Variants in VPS26C observed in about 807,000 individuals in gnomAD.
The protein encoded by VPS26C is vacuolar protein sorting-associated protein 26C.
VPS26C carries 19 observed loss-of-function variants against 30.6 expected under a neutral mutation model. The observed-to-expected ratio is 0.62, with a 90% CI of 0.43 to 0.91. The LOEUF is 0.91. Ranked by LOEUF, VPS26C falls within the 40% of genes least tolerant of loss-of-function variation. The pLI is 0.00. For synonymous variants in VPS26C, 132 were observed against 151.5 expected, an observed-to-expected ratio of 0.87 and a Z score of 0.95; for missense variants, 318 against 385.1, an observed-to-expected ratio of 0.83 and a Z score of 1.46.
At chr21:37,256,716 A>C (rs2148305797) in intron 1 of VPS26C, among the ~76,000 whole-genome samples, 1 of 152,370 alleles carries the variant, frequency 6.6e-6, no homozygotes, top group South Asian at 2.1e-4. Flanking sequence ...CTCACCATGT[A>C]AACATGTCCA....
At chr21:37,237,227 C>T (rs979757566) in intron 3 of VPS26C, among the ~76,000 whole-genome samples, 1 of 152,130 alleles carries the variant, frequency 6.6e-6, no homozygotes, top group Non-Finnish European at 1.5e-5. Context: ...TCACTGAAAA[C>T]GTGATCTTAT....
Position 37,267,148 on chromosome 21 carries a change from G to A in VPS26C, c.57+90C>T, listed in dbSNP as rs1391387736. 5.9e-6 allele frequency: 7 copies of A among 1,195,164 alleles called. No homozygotes were observed. The African/African-American group carries it at 9.0e-5, about 15-fold the overall frequency. 74.0% of individuals were successfully genotyped at this position (1,195,164 alleles called of 1,614,324 possible). A position where few individuals can be genotyped will look rare whatever the true frequency, so the allele number is the denominator to read the frequency against. On this transcript the variant is annotated intron_variant, in intron 1 of 7. Coordinates refer to ENST00000309117, the MANE Select transcript of VPS26C (RefSeq NM_006052.2). ...GGCGGGACAGCCCTGCCCCGCCTAG[G>A]GACGCGGGACGTGCGCAGAGCGATG... is the stretch of plus-strand genomic sequence containing the variant.
intron 1 of VPS26C, among the ~76,000 whole-genome samples, chr21:37,252,596 A>G (rs1011182109): frequency 1.3e-5 from 2 of 152,224 alleles, no homozygotes; most frequent in African/African-American, 4.8e-5. Context: ...CCTAGATTTT[A>G]AAACCCAAGT....
chr21:37,251,323 T>C (rs1488421021), intron 1 of VPS26C, among the ~76,000 whole-genome samples: 2 of 152,138 alleles, frequency 1.3e-5, no homozygotes, highest in South Asian at 2.1e-4. Context: ...AATAGGAAAA[T>C]TGTGAGTTTT....
chr21:37,240,486 T>C lies in VPS26C; in HGVS notation c.201+10A>G, dbSNP rs1437915072. ...AACTAAAAACTTGCAATCTAAGCATTCTTTCTTACCTTAACAGAATTATAA... is the reference window on the plus strand; with the variant it reads ...AACTAAAAACTTGCAATCTAAGCATCCTTTCTTACCTTAACAGAATTATAA... On this transcript the variant is annotated intron_variant, in intron 2 of 7. Transcript: ENST00000309117. The C allele has an allele frequency of 1.9e-6, 3 of 1,613,370 alleles. No homozygotes were observed. The highest frequency in any genetic ancestry group is 2.5e-6 in the Non-Finnish European group (3 of 1,179,820).
At position 37,257,918 on chromosome 21, in the gene VPS26C, T is replaced by C. The variant is rs1291292539; in HGVS notation, c.57+9320A>G. Among the ~76,000 whole-genome samples, 2 of 148,874 alleles carry C rather than the reference T, an allele frequency of 1.3e-5. No homozygotes were observed. Among genetic ancestry groups the C allele is most frequent in the Admixed American group, 1.3e-4 (2 of 15,188 alleles). On this transcript the variant is annotated intron_variant, in intron 1 of 7. Coordinates refer to ENST00000309117, the MANE Select transcript of VPS26C (RefSeq NM_006052.2). The surrounding 1 kb of genome is among the most constrained non-coding windows in gnomAD (Gnocchi z 4.2). ...AGCGGGGCCACGAGGCAGGGGACAG[T>C]GAAGCACCATGCAGCGCCCACCAGC...
In VPS26C at chr21:37,261,585, AAGGCTATG is replaced by A. The variant is rs1286955317; in HGVS notation, c.57+5645_57+5652del. ...AAATATTAAAATTAGGAATTTTTGT[AAGGCTATG>A]GGTGACAAGAGTTGTTGCTATAACA... On this transcript the variant is annotated intron_variant, in intron 1 of 7. Transcript: ENST00000309117. The A allele has an allele frequency of 2.6e-5, 4 of 152,160 alleles. No homozygotes were observed. In the East Asian group the frequency reaches 7.7e-4, roughly 29 times the overall value. 9.4% of individuals were successfully genotyped at this position (152,160 alleles called of 1,614,324 possible).
chr21:37,227,440 G>A (rs117962161), intron 7 of VPS26C: 13,437 of 576,166 alleles, frequency 0.023, 239 homozygotes, highest in Middle Eastern at 0.044. Flanking sequence ...AGGACTGCCT[G>A]TGGGTGTGTC....
intron 1 of VPS26C, among the ~76,000 whole-genome samples, chr21:37,252,154 T>A (rs1461842850): frequency 6.6e-6 from 1 of 152,194 alleles, no homozygotes; most frequent in Non-Finnish European, 1.5e-5. Context: ...AGTAGTGAAC[T>A]AACATGAAAA....
intron 1 of VPS26C, 37 bp from the exon 2 acceptor site, chr21:37,240,676 T>G: frequency 3.1e-6 from 5 of 1,604,282 alleles, no homozygotes; most frequent in Non-Finnish European, 4.3e-6. Flanking sequence ...CAAATTAGCA[T>G]GCTTCCTCCA....
At chr21:37,240,402 G>C in intron 2 of VPS26C, 94 bp downstream of exon 2, 1 of 1,428,058 alleles carries the variant, frequency 7.0e-7, no homozygotes, top group African/African-American at 1.4e-5. Context: ...TGAGATTACA[G>C]GCCTGAGCCA....
At chr21:37,264,546 G>A (rs936721433) in intron 1 of VPS26C, among the ~76,000 whole-genome samples, 1 of 152,170 alleles carries the variant, frequency 6.6e-6, no homozygotes, top group Non-Finnish European at 1.5e-5. Context: ...AAGAGAACAT[G>A]CTAACTTGTT....
At position 37,224,812 on chromosome 21, in the gene VPS26C, C is replaced by T. The variant is rs1345554886; in HGVS notation, c.*732G>A. The T allele has an allele frequency of 1.3e-5, 2 of 152,162 alleles. No homozygotes were observed. Among genetic ancestry groups the T allele is most frequent in the Non-Finnish European group, 2.9e-5 (2 of 68,100 alleles). The allele number at this position is 152,162 out of a possible 1,614,324, so 9.4% of individuals were successfully genotyped here. ...CAGCCTGGCCAAGATGGTGAAGCCC[C>T]GTCTCTACTAAAAATACAAACATTA... is the stretch of plus-strand genomic sequence containing the variant. On this transcript the variant is annotated 3_prime_UTR_variant, in exon 8 of 8. Coordinates refer to ENST00000309117, the MANE Select transcript of VPS26C (RefSeq NM_006052.2).
At chr21:37,227,377 C>T (rs2085911381) in intron 7 of VPS26C, 3 of 450,794 alleles carry the variant, frequency 6.7e-6, no homozygotes, top group Non-Finnish European at 1.2e-5. Context: ...CATGTCTACA[C>T]TGATGTGGGT....
At chr21:37,248,127 C>T (rs1285934623) in intron 1 of VPS26C, among the ~76,000 whole-genome samples, 2 of 152,056 alleles carry the variant, frequency 1.3e-5, no homozygotes, top group African/African-American at 4.8e-5. Context: ...TTGTGGGAGA[C>T]ATTAATTTAC....
rs1246039579 is a variant in VPS26C at position 37,237,522 on chromosome 21, C to T, written c.351+938G>A. ...CAGCTTCCTCTGAATCCAGGTACTA[C>T]TCAGTCATCACTGCTGCTTCCTTGG... On this transcript the variant is annotated intron_variant, in intron 3 of 7. Coordinates refer to ENST00000309117, the MANE Select transcript of VPS26C (RefSeq NM_006052.2). 2.6e-5 allele frequency: 4 copies of T among 152,362 alleles called. No homozygotes were observed. In the South Asian group the frequency reaches 6.2e-4, roughly 24 times the overall value. The allele number at this position is 152,362 out of a possible 1,614,324, so 9.4% of individuals were successfully genotyped here. A position where few individuals can be genotyped will look rare whatever the true frequency, so the allele number is the denominator to read the frequency against.
chr21:37,232,908 A>G (rs529204235), intron 4 of VPS26C, among the ~76,000 whole-genome samples: 19 of 152,266 alleles, frequency 1.2e-4, no homozygotes, highest in South Asian at 6.2e-4. Context: ...TCAGGTTGCT[A>G]TTGGCCTCTG....
intron 1 of VPS26C, among the ~76,000 whole-genome samples, chr21:37,245,795 G>C (rs530845628): frequency 3.3e-5 from 5 of 152,282 alleles, no homozygotes; most frequent in Admixed American, 6.5e-5. Context: ...AGTCCGATGA[G>C]ACAATTGCTT....
rs1418553559 is a variant in VPS26C at position 37,232,550 on chromosome 21, C to T, written c.433-99G>A. 1.1e-4 allele frequency: 110 copies of T among 1,008,422 alleles called. No individual in the cohort carries two copies. In the East Asian group the frequency reaches 2.1e-3, roughly 19 times the overall value. The allele number at this position is 1,008,422 out of a possible 1,614,324, so 62.5% of individuals were successfully genotyped here. A position where few individuals can be genotyped will look rare whatever the true frequency, so the allele number is the denominator to read the frequency against. On this transcript the variant is annotated intron_variant, in intron 4 of 7. Transcript: ENST00000309117. ...CAAAAATAAACCAACGGCAGCCTGG[C>T]GATGCAGGAAGGACGGGGAACTAAG... is the stretch of plus-strand genomic sequence containing the variant.
Sources: allele counts gnomAD v4.1 joint callset (sites outside exome capture counted in the v4.1 genomes callset), GRCh38; gene constraint gnomAD v4.1.1; non-coding constraint Gnocchi (gnomAD v3.1); transcripts MANE v1.5; gene names NCBI Gene and HGNC (gene_info 2026-07-23, HGNC 2026-07-21).